Variants in L3MBTL4 observed in about 807,000 individuals in gnomAD.
L3MBTL4 encodes L3MBTL histone methyl-lysine binding protein 4.
A neutral mutation model predicts 84.5 loss-of-function variants in L3MBTL4; 70 were observed. The ratio of observed to expected loss-of-function variants is 0.83; its 90% CI spans 0.68 to 1.01. L3MBTL4 has a LOEUF of 1.01. L3MBTL4 is among the 50% of genes least tolerant of loss of function. The pLI, the probability that L3MBTL4 is intolerant of heterozygous loss-of-function variation, is 0.00. For missense variants in L3MBTL4, 715 were observed against 754.8 expected, an observed-to-expected ratio of 0.95 and a Z score of 0.62; for synonymous variants, 274 against 259.8, an observed-to-expected ratio of 1.05 and a Z score of -0.52.
chr18:6,218,199 C>T (rs114208493), intron 10 of L3MBTL4, among the ~76,000 whole-genome samples: 623 of 152,328 alleles, frequency 4.1e-3, no homozygotes, highest in African/African-American at 0.014. Context: ...GGACTGCAGC[C>T]TCAAACTCCT....
At chr18:6,176,236 A>G (rs923034410) in intron 12 of L3MBTL4, among the ~76,000 whole-genome samples, 14 of 152,180 alleles carry the variant, frequency 9.2e-5, no homozygotes, top group Non-Finnish European at 1.9e-4. Context: ...AAAATGACCT[A>G]GCTTACCCAA....
At chr18:6,412,995 G>T (rs1190071246) in intron 1 of L3MBTL4, among the ~76,000 whole-genome samples, 1 of 152,124 alleles carries the variant, frequency 6.6e-6, no homozygotes, top group Non-Finnish European at 1.5e-5. Context: ...GGCTGAGGCG[G>T]GATCCTTTGA....
At chr18:6,387,099 A>G (rs1265787893) in intron 1 of L3MBTL4, among the ~76,000 whole-genome samples, 2 of 151,990 alleles carry the variant, frequency 1.3e-5, no homozygotes, top group African/African-American at 2.4e-5. Context: ...AAAAGAAATG[A>G]CTCCCAGGTT....
intron 18 of L3MBTL4, 118 bp from the exon 19 acceptor site, chr18:5,956,505 T>A (rs201856403): frequency 9.5e-6 from 3 of 316,994 alleles, no homozygotes; most frequent in East Asian, 9.0e-5. Flanking sequence ...CGTGTTGAGC[T>A]CACCAGTGAG....
chr18:6,093,489 C>T lies in L3MBTL4; in HGVS notation c.1239G>A (p.Lys413=). Residue 413 remains lysine (K), a synonymous_variant, in exon 15 of 19, where the codon AAG becomes AAA. Coordinates refer to ENST00000317931, the MANE Select transcript of L3MBTL4 (RefSeq NM_001330559.2). The part of the protein sequence containing the change: ...GCPYSDMNLK[K]EATLHDRLRE... ...TCAAACGATCGTGAAGTGTTGCCTCCTTTTTCAAGTTCATGTCTGAATACG... is the reference window on the plus strand; with the variant it reads ...TCAAACGATCGTGAAGTGTTGCCTCTTTTTTCAAGTTCATGTCTGAATACG... 6.2e-7 allele frequency: 1 copy of T among 1,613,546 alleles called. No individual in the cohort carries two copies.
intron 16 of L3MBTL4, among the ~76,000 whole-genome samples, chr18:6,028,069 T>C (rs908672833): frequency 3.9e-5 from 6 of 152,222 alleles, no homozygotes; most frequent in Admixed American, 2.0e-4. Flanking sequence ...TTTTGGCTTT[T>C]GTTGCAATTG....
intron 1 of L3MBTL4, among the ~76,000 whole-genome samples, chr18:6,340,077 TA>T (rs2052534745): frequency 6.6e-6 from 1 of 152,104 alleles, no homozygotes; most frequent in African/African-American, 2.4e-5. Context: ...GAGGCCAAAA[TA>T]ACAACAGCCT....
intron 1 of L3MBTL4, among the ~76,000 whole-genome samples, chr18:6,314,047 T>C (rs2050963862): frequency 2.1e-5 from 2 of 93,988 alleles, no homozygotes; most frequent in African/African-American, 9.8e-5. Flanking sequence ...GATAGATAGA[T>C]AGATAGATAG....
intron 16 of L3MBTL4, among the ~76,000 whole-genome samples, chr18:5,992,469 C>T (rs1261502281): frequency 6.6e-6 from 1 of 152,138 alleles, no homozygotes; most frequent in Non-Finnish European, 1.5e-5. Flanking sequence ...CCCCCAAGAA[C>T]ATTAAGTACT....
intron 10 of L3MBTL4, among the ~76,000 whole-genome samples, chr18:6,224,279 G>A (rs1298710437): frequency 1.3e-5 from 2 of 152,118 alleles, no homozygotes; most frequent in African/African-American, 4.8e-5. Flanking sequence ...ACATAAATCT[G>A]TTAAAGAAGA....
At chr18:6,007,157 G>T (rs1363469786) in intron 16 of L3MBTL4, among the ~76,000 whole-genome samples, 1 of 151,668 alleles carries the variant, frequency 6.6e-6, no homozygotes, top group Non-Finnish European at 1.5e-5. Context: ...AAAGTCAAAA[G>T]CCAGACAACA....
At chr18:6,240,284 C>T (rs1259491340) in intron 8 of L3MBTL4, among the ~76,000 whole-genome samples, 1 of 151,980 alleles carries the variant, frequency 6.6e-6, no homozygotes, top group East Asian at 1.9e-4. Context: ...TGAAGATATG[C>T]TCTAATTAGC....
intron 10 of L3MBTL4, among the ~76,000 whole-genome samples, chr18:6,233,936 C>T (rs1039684792): frequency 6.6e-6 from 1 of 152,152 alleles, no homozygotes; most frequent in East Asian, 1.9e-4. Flanking sequence ...ACTACAGTAA[C>T]CATAACAGCA....
At chr18:6,399,383 G>A (rs2144629740) in intron 1 of L3MBTL4, among the ~76,000 whole-genome samples, 1 of 151,868 alleles carries the variant, frequency 6.6e-6, no homozygotes, top group East Asian at 1.9e-4. Context: ...GTTGCAGAGA[G>A]CCAAGACTGA....
intron 5 of L3MBTL4, among the ~76,000 whole-genome samples, chr18:6,261,714 G>T (rs1002472314): frequency 6.6e-6 from 1 of 152,138 alleles, no homozygotes; most frequent in Non-Finnish European, 1.5e-5. Flanking sequence ...TTAACACCAG[G>T]TCATAAGGGA....
intron 5 of L3MBTL4, among the ~76,000 whole-genome samples, chr18:6,250,511 G>C (rs1041177092): frequency 6.6e-6 from 1 of 152,134 alleles, no homozygotes; most frequent in Non-Finnish European, 1.5e-5. Context: ...GGTGTATCAC[G>C]GAAGAGCGCT....
At chr18:5,961,300 G>A (rs984377647) in intron 17 of L3MBTL4, among the ~76,000 whole-genome samples, 2 of 152,114 alleles carry the variant, frequency 1.3e-5, no homozygotes, top group East Asian at 1.9e-4. Context: ...TGCCCCTGAC[G>A]GTGCAGGAGA....
chr18:6,388,264 A>G (rs2054905714), intron 1 of L3MBTL4, among the ~76,000 whole-genome samples: 1 of 152,212 alleles, frequency 6.6e-6, no homozygotes, highest in Non-Finnish European at 1.5e-5. Context: ...TGTATTAAGG[A>G]TGGTTATTCT....
chr18:6,053,606 T>G (rs1217134506), intron 16 of L3MBTL4, among the ~76,000 whole-genome samples: 2 of 152,216 alleles, frequency 1.3e-5, no homozygotes, highest in Non-Finnish European at 2.9e-5. Flanking sequence ...TTATTAATAC[T>G]TGTAGCCAAG....
Sources: allele counts gnomAD v4.1 joint callset (sites outside exome capture counted in the v4.1 genomes callset), GRCh38; gene constraint gnomAD v4.1.1; transcripts MANE v1.5; gene names NCBI Gene and HGNC (gene_info 2026-07-23, HGNC 2026-07-21).